The following MECOM variants were observed in gnomAD, a reference collection of about 807,000 sequenced individuals.
MECOM encodes the protein MDS1 and EVI1 complex locus, also known as histone-lysine N-methyltransferase MECOM.
MECOM carries 13 observed loss-of-function variants against 116.3 expected under a neutral mutation model. That is an observed-to-expected ratio of 0.11 (90% confidence interval 0.07 to 0.18). The LOEUF is 0.18. Ranked by LOEUF, MECOM falls within the 10% of genes least tolerant of loss-of-function variation. MECOM has a pLI of 1.00. For synonymous variants in MECOM, 528 were observed against 535.2 expected (o/e 0.99, Z 0.19); for missense variants, 1,299 against 1,509.0 (o/e 0.86, Z 2.31).
At chr3:169,499,912 C>G (rs924987110) in intron 1 of MECOM, among the ~76,000 whole-genome samples, 1 of 151,954 alleles carries the variant, frequency 6.6e-6, no homozygotes, top group Non-Finnish European at 1.5e-5. Context: ...AAATACACAG[C>G]TTGGTAACAT....
chr3:169,339,449 C>G (rs1462937886), intron 2 of MECOM, among the ~76,000 whole-genome samples: 3 of 152,186 alleles, frequency 2.0e-5, no homozygotes, highest in African/African-American at 7.2e-5. Flanking sequence ...ATTTTAAATA[C>G]AGGCAAATGA....
At position 169,554,106 on chromosome 3, in the gene MECOM, C is replaced by T. The variant is rs567968412; in HGVS notation, c.37+109230G>A. ...ATCTGAATAGAAGAAATGTGTGCCACTTCCTGGCCAGCTCCATAGAAACCT... is the reference window on the plus strand; with the variant it reads ...ATCTGAATAGAAGAAATGTGTGCCATTTCCTGGCCAGCTCCATAGAAACCT... On this transcript the variant is annotated intron_variant, in intron 1 of 16. Coordinates refer to ENST00000651503, the MANE Select transcript of MECOM (RefSeq NM_004991.4). Among the ~76,000 whole-genome samples, 258 of 152,310 alleles carry T rather than the reference C, an allele frequency of 1.7e-3. 1 individual carries two copies. The highest frequency in any genetic ancestry group is 5.7e-3 in the African/African-American group (236 of 41,574).
rs1026472986 is a variant in MECOM at position 169,434,661 on chromosome 3, A to G, written c.38-53137T>C. On this transcript the variant is annotated intron_variant, in intron 1 of 16. Transcript: ENST00000651503. ...AACATTGTACATTTATTGTCTTACA[A>G]AATGAACTGGGGTTGAGGTAGATGT... 4.3e-4 allele frequency among the ~76,000 whole-genome samples: 65 copies of G among 152,214 alleles called. 3 individuals are homozygous for G. Among genetic ancestry groups the G allele is most frequent in the Admixed American group, 4.3e-3 (65 of 15,270 alleles).
Position 169,084,746 on chromosome 3 carries a change from C to T in MECOM, c.*163G>A. 8.5e-6 allele frequency: 6 copies of T among 709,838 alleles called. No individual in the cohort carries two copies. The highest frequency in any genetic ancestry group is 4.3e-4 in the Middle Eastern group (1 of 2,324). The allele number at this position is 709,838 out of a possible 1,614,324, so 44.0% of individuals were successfully genotyped here. ...ATCGAGAATAAATAGTTTCTTTTTT[C>T]TTTCTTTTCTTTTTTAAATCATTCA... On this transcript the variant is annotated 3_prime_UTR_variant, in exon 17 of 17. Coordinates refer to ENST00000651503, the MANE Select transcript of MECOM (RefSeq NM_004991.4).
chr3:169,588,851 T>C (rs2109614111), intron 1 of MECOM, among the ~76,000 whole-genome samples: 1 of 152,178 alleles, frequency 6.6e-6, no homozygotes, highest in South Asian at 2.1e-4. Context: ...TATGTATGAA[T>C]TGGGTTTTTT....
At chr3:169,352,747 T>TA (rs1344159130) in intron 2 of MECOM, among the ~76,000 whole-genome samples, 2 of 151,890 alleles carry the variant, frequency 1.3e-5, no homozygotes, top group African/African-American at 4.8e-5. Flanking sequence ...TTTGAGCCCA[T>TA]ACTCAGAGCA....
intron 2 of MECOM, among the ~76,000 whole-genome samples, chr3:169,184,742 T>G (rs965254054): frequency 6.6e-6 from 1 of 152,048 alleles, no homozygotes; most frequent in Non-Finnish European, 1.5e-5. Context: ...ATGCCTTAAG[T>G]AAATAAAAGT....
rs1378586699 is a variant in MECOM at position 169,337,850 on chromosome 3, T to C, written c.375+43337A>G. 2.6e-5 allele frequency among the ~76,000 whole-genome samples: 4 copies of C among 152,194 alleles called. No individual in the cohort carries two copies. The East Asian group carries it at 7.7e-4, about 29-fold the overall frequency. On this transcript the variant is annotated intron_variant, in intron 2 of 16. Coordinates refer to ENST00000651503, the MANE Select transcript of MECOM (RefSeq NM_004991.4). ...AGTGTATTTTTCACATGGTGACTAA[T>C]GTTTAATATAATCTATACTCAGCCA...
At chr3:169,268,945 A>T (rs1577531119) in intron 2 of MECOM, among the ~76,000 whole-genome samples, 1 of 152,288 alleles carries the variant, frequency 6.6e-6, no homozygotes, top group Middle Eastern at 3.4e-3. Context: ...TACTAAGCGG[A>T]TTTAATTGGT....
intron 1 of MECOM, among the ~76,000 whole-genome samples, chr3:169,486,033 A>ATG (rs1188877300): frequency 7.3e-6 from 1 of 137,392 alleles, no homozygotes; most frequent in South Asian, 2.2e-4. Flanking sequence ...TATAGTATAT[A>ATG]TATATATGTA....
At chr3:169,398,077 G>T (rs1735288661) in intron 1 of MECOM, among the ~76,000 whole-genome samples, 1 of 152,154 alleles carries the variant, frequency 6.6e-6, no homozygotes, top group South Asian at 2.1e-4. Context: ...TTTGATAAAT[G>T]ATATTCTTGG....
intron 1 of MECOM, among the ~76,000 whole-genome samples, chr3:169,439,382 T>G (rs977657040): frequency 8.1e-5 from 12 of 148,866 alleles, no homozygotes; most frequent in Admixed American, 5.4e-4. Flanking sequence ...ATTAACTAAA[T>G]ATTAGTATCC....
intron 2 of MECOM, among the ~76,000 whole-genome samples, chr3:169,210,145 A>T (rs1411244080): frequency 6.6e-6 from 1 of 152,094 alleles, no homozygotes; most frequent in Non-Finnish European, 1.5e-5. Context: ...CATAAGTGGG[A>T]CACAGGGAGG....
At chr3:169,440,059 A>T (rs1743343651) in intron 1 of MECOM, among the ~76,000 whole-genome samples, 1 of 152,210 alleles carries the variant, frequency 6.6e-6, no homozygotes, top group South Asian at 2.1e-4. Context: ...CTTCTAGAGT[A>T]AGGCAGAAGA....
intron 2 of MECOM, among the ~76,000 whole-genome samples, chr3:169,156,742 C>T (rs947494930): frequency 2.0e-5 from 3 of 152,158 alleles, no homozygotes; most frequent in Admixed American, 2.0e-4. Flanking sequence ...TTACCATGGG[C>T]ATATTCACAT....
At chr3:169,376,098 T>C (rs895134338) in intron 2 of MECOM, among the ~76,000 whole-genome samples, 1 of 152,050 alleles carries the variant, frequency 6.6e-6, no homozygotes, top group Non-Finnish European at 1.5e-5. Flanking sequence ...TCTCAATAGA[T>C]GCAAAAAAGG....
chr3:169,424,670 G>T (rs768078929), intron 1 of MECOM, among the ~76,000 whole-genome samples: 16 of 152,104 alleles, frequency 1.1e-4, no homozygotes, highest in Non-Finnish European at 2.4e-4. Context: ...CATTTGCAAA[G>T]CTTAGAGTCT....
At chr3:169,219,978 T>C (rs1751924416) in intron 2 of MECOM, among the ~76,000 whole-genome samples, 1 of 149,288 alleles carries the variant, frequency 6.7e-6, no homozygotes, top group Non-Finnish European at 1.5e-5. Context: ...TCCAATTATA[T>C]ACATTTTAAC....
In MECOM at chr3:169,127,981, T is replaced by G; in HGVS notation, c.693A>C (p.Pro231=). 1 of 1,614,078 alleles carries G rather than the reference T, an allele frequency of 6.2e-7. No homozygotes were observed. Among genetic ancestry groups the G allele is most frequent in the African/African-American group, 1.3e-5 (1 of 75,050 alleles). The change falls in exon 5 of 17, where the codon CCA becomes CCC. Residue 231 remains proline (P), a synonymous_variant. Coordinates refer to ENST00000651503, the MANE Select transcript of MECOM (RefSeq NM_004991.4). ...AAAATGCTGAGTGAGGAGTACTGCA[T>G]GGAAACTTTTGGTGATCTGCTAGTT... ...KAELADHQKF[P]CSTPHSAFSM...
Sources: gnomAD v4.1 joint callset for allele counts (sites outside exome capture counted in the v4.1 genomes callset) on GRCh38, gnomAD v4.1.1 for gene constraint, MANE v1.5 for transcripts, NCBI Gene and HGNC (gene_info 2026-07-23, HGNC 2026-07-21) for gene names.